Variants in IQCK observed in about 807,000 individuals in gnomAD.
IQCK encodes IQ domain-containing protein K.
Under a neutral mutation model 28.1 loss-of-function variants are expected in IQCK, and 29 were observed. That is an observed-to-expected ratio of 1.03 (90% confidence interval 0.77 to 1.41). IQCK has a LOEUF of 1.41. Ranked by LOEUF, IQCK falls within the 40% of genes most tolerant of loss-of-function variation. The pLI is 0.00. For synonymous variants in IQCK, 113 were observed against 115.1 expected (o/e 0.98, Z 0.12); for missense variants, 359 against 314.7 (o/e 1.14, Z -1.07).
intron 4 of IQCK, among the ~76,000 whole-genome samples, chr16:19,738,585 TC>T (rs1597506709): frequency 1.3e-5 from 2 of 152,340 alleles, no homozygotes; most frequent in East Asian, 3.9e-4. Flanking sequence ...CATTATCACT[TC>T]CTTCCATGTA....
At chr16:19,767,846 C>T (rs1054493535) in intron 6 of IQCK, among the ~76,000 whole-genome samples, 6 of 151,938 alleles carry the variant, frequency 3.9e-5, no homozygotes, top group Non-Finnish European at 5.9e-5. Flanking sequence ...TACCACTGCA[C>T]GCCAGCCTGG....
At chr16:19,840,995 CA>C (rs1213465266) in intron 9 of IQCK, among the ~76,000 whole-genome samples, 17 of 152,328 alleles carry the variant, frequency 1.1e-4, no homozygotes, top group Non-Finnish European at 2.1e-4. Context: ...AGCACCAGTC[CA>C]AGGCTGTTGA....
intron 7 of IQCK, among the ~76,000 whole-genome samples, chr16:19,799,607 C>T (rs1235458970): frequency 7.1e-6 from 1 of 140,508 alleles, no homozygotes; most frequent in Non-Finnish European, 1.5e-5. Context: ...TACACACACA[C>T]ACACACACAC....
intron 6 of IQCK, among the ~76,000 whole-genome samples, chr16:19,767,821 C>T (rs1273303207): frequency 6.6e-6 from 1 of 151,944 alleles, no homozygotes; most frequent in East Asian, 1.9e-4. Context: ...CTTCCCAGCA[C>T]TCCTGTATCA....
intron 7 of IQCK, among the ~76,000 whole-genome samples, chr16:19,817,371 A>G (rs140274992): frequency 2.0e-5 from 3 of 152,282 alleles, no homozygotes; most frequent in African/African-American, 7.2e-5. Context: ...GCCCAGTTCA[A>G]TGGGTGCGTG....
At chr16:19,740,963 A>G (rs767351402) in intron 4 of IQCK, among the ~76,000 whole-genome samples, 9 of 139,702 alleles carry the variant, frequency 6.4e-5, no homozygotes, top group Admixed American at 4.2e-4. Context: ...GCGAGACTCC[A>G]TCTAAAAAAA....
At chr16:19,842,874 C>T (rs2056376941) in intron 9 of IQCK, among the ~76,000 whole-genome samples, 2 of 152,042 alleles carry the variant, frequency 1.3e-5, no homozygotes, top group Non-Finnish European at 2.9e-5. Flanking sequence ...AGTTGTTTTC[C>T]TTGCTTATAA....
At chr16:19,720,813 T>A in intron 1 of IQCK, among the ~76,000 whole-genome samples, 1 of 152,160 alleles carries the variant, frequency 6.6e-6, no homozygotes, top group East Asian at 1.9e-4. Context: ...GGTCAGGAAT[T>A]GGAGACTAGC....
chr16:19,729,784 A>G (rs146914019), intron 1 of IQCK, among the ~76,000 whole-genome samples: 24,407 of 150,750 alleles, frequency 0.16, 2,108 homozygotes, highest in South Asian at 0.26. Flanking sequence ...AGCTGGGACT[A>G]CAGGCACCCA....
chr16:19,771,762 G>A (rs943583703), intron 6 of IQCK, among the ~76,000 whole-genome samples: 13 of 152,168 alleles, frequency 8.5e-5, no homozygotes, highest in Non-Finnish European at 1.5e-4. Context: ...CTAAGAGTGA[G>A]AGAAAAATTG....
At chr16:19,820,648 CAAA>C (rs35161795) in intron 7 of IQCK, among the ~76,000 whole-genome samples, 15 of 109,054 alleles carry the variant, frequency 1.4e-4, no homozygotes, top group Admixed American at 1.9e-4. Context: ...AACTCTGTAT[CAAA>C]AAAAAAAAAA....
chr16:19,821,350 T>C (rs2056068532), intron 7 of IQCK, among the ~76,000 whole-genome samples: 1 of 152,208 alleles, frequency 6.6e-6, no homozygotes, highest in South Asian at 2.1e-4. Flanking sequence ...ATAAGTTGAA[T>C]GTAAAATTAC....
intron 6 of IQCK, among the ~76,000 whole-genome samples, chr16:19,771,916 C>A (rs2055325945): frequency 6.6e-6 from 1 of 152,056 alleles, no homozygotes; most frequent in South Asian, 2.1e-4. Context: ...TGTGGTGAAA[C>A]CGACAGGGAA....
intron 6 of IQCK, among the ~76,000 whole-genome samples, chr16:19,783,478 C>T (rs1371594870): frequency 3.9e-5 from 6 of 152,124 alleles, no homozygotes; most frequent in Non-Finnish European, 8.8e-5. Context: ...ACTTTAAGGC[C>T]TCAGCTGTCT....
At chr16:19,776,000 G>A (rs954085903) in intron 6 of IQCK, among the ~76,000 whole-genome samples, 6 of 144,630 alleles carry the variant, frequency 4.1e-5, no homozygotes, top group Non-Finnish European at 7.5e-5. Flanking sequence ...TCCTGTCTCA[G>A]CCTCCCAAGT....
chr16:19,760,823 AGCAGCCCCGAGGGCT>A (rs1177430226), intron 4 of IQCK, among the ~76,000 whole-genome samples: 6 of 152,360 alleles, frequency 3.9e-5, no homozygotes, highest in African/African-American at 1.4e-4. Flanking sequence ...CCATAAACAG[AGCAGCCCCGAGGGCT>A]GCTGGCTGCC....
At chr16:19,731,588 G>A (rs1178658881) in intron 2 of IQCK, among the ~76,000 whole-genome samples, 5 of 152,172 alleles carry the variant, frequency 3.3e-5, no homozygotes, top group Non-Finnish European at 5.9e-5. Context: ...GACAATATAT[G>A]TTGATCTTCG....
chr16:19,734,050 T>C (rs1977927028), intron 3 of IQCK: 1 of 457,568 alleles, frequency 2.2e-6, no homozygotes, highest in Admixed American at 3.9e-5. Context: ...ACTTTGATTT[T>C]ACATTAAATA....
intron 6 of IQCK, among the ~76,000 whole-genome samples, chr16:19,785,382 G>A (rs1185224826): frequency 6.6e-6 from 1 of 152,182 alleles, no homozygotes; most frequent in Admixed American, 6.5e-5. Flanking sequence ...AGACACATTT[G>A]AGGAGCTGCC....
Sources: gnomAD v4.1 joint callset for allele counts (sites outside exome capture counted in the v4.1 genomes callset) on GRCh38, gnomAD v4.1.1 for gene constraint, MANE v1.5 for transcripts, NCBI Gene and HGNC (gene_info 2026-07-23, HGNC 2026-07-21) for gene names.